Variants in GRIK1 observed in about 807,000 individuals in gnomAD.
GRIK1 encodes glutamate receptor ionotropic, kainate 1.
Under a neutral mutation model 105.7 loss-of-function variants are expected in GRIK1, and 69 were observed. The observed-to-expected ratio is 0.65, with a 90% CI of 0.54 to 0.80. The LOEUF is 0.80. Ranked by LOEUF, GRIK1 falls within the 30% of genes least tolerant of loss-of-function variation. The pLI is 0.00. For missense variants in GRIK1, 1,109 were observed against 1,167.3 expected (o/e 0.95, Z 0.73); for synonymous variants, 438 against 431.3 (o/e 1.02, Z -0.19).
chr21:29,902,274 G>T (rs930570530), intron 1 of GRIK1, among the ~76,000 whole-genome samples: 2 of 152,108 alleles, frequency 1.3e-5, no homozygotes, highest in African/African-American at 4.8e-5. Flanking sequence ...CCTATTCAGC[G>T]TAGTATTGGA....
rs544590477 is a variant in GRIK1, at chr21:29,564,902, G to A, written c.2131-3053C>T. 2.0e-3 allele frequency among the ~76,000 whole-genome samples: 309 copies of A among 152,272 alleles called. 2 individuals are homozygous for A. Among genetic ancestry groups the A allele is most frequent in the Non-Finnish European group, 3.6e-3 (243 of 68,016 alleles). On this transcript the variant is annotated intron_variant, in intron 14 of 17. Coordinates refer to ENST00000327783, the MANE Select transcript of GRIK1 (RefSeq NM_001330994.2). ...TAGTAACAAAATGTTTCCTGAGCCA[G>A]CACACTCTTCACACTACACTTTGAG...
intron 9 of GRIK1, 51 bp downstream of exon 9, chr21:29,596,475 C>A (rs1251935431): frequency 1.6e-6 from 2 of 1,234,464 alleles, no homozygotes. Flanking sequence ...TTTCCAATGA[C>A]ATTCCCCATC....
At chr21:29,785,635 A>C (rs1030878263) in intron 1 of GRIK1, among the ~76,000 whole-genome samples, 3 of 151,612 alleles carry the variant, frequency 2.0e-5, no homozygotes, top group Non-Finnish European at 2.9e-5. Context: ...TTTTGGTATC[A>C]TACACATGGC....
At chr21:29,615,959 G>A (rs774057401) in intron 7 of GRIK1, among the ~76,000 whole-genome samples, 36 of 152,156 alleles carry the variant, frequency 2.4e-4, no homozygotes, top group Non-Finnish European at 4.1e-4. Flanking sequence ...TTTGAGCAAA[G>A]CAATCACTAA....
At chr21:29,938,112 C>T (rs2071836476) in intron 1 of GRIK1, among the ~76,000 whole-genome samples, 1 of 152,058 alleles carries the variant, frequency 6.6e-6, no homozygotes, top group East Asian at 1.9e-4. Flanking sequence ...CTAGTATGTT[C>T]TGAATTTTTG....
intron 1 of GRIK1, among the ~76,000 whole-genome samples, chr21:29,913,985 C>A (rs2070908772): frequency 6.6e-6 from 1 of 151,960 alleles, no homozygotes; most frequent in South Asian, 2.1e-4. Flanking sequence ...TTTGTTCTGG[C>A]ACACTGTGTC....
chr21:29,606,292 T>C (rs1448908130), intron 7 of GRIK1, among the ~76,000 whole-genome samples: 1 of 151,310 alleles, frequency 6.6e-6, no homozygotes, highest in Non-Finnish European at 1.5e-5. Context: ...TTTATTTTAT[T>C]TTATTTTAAG....
chr21:29,738,279 A>G (rs2064846227), intron 1 of GRIK1, among the ~76,000 whole-genome samples: 1 of 152,244 alleles, frequency 6.6e-6, no homozygotes, highest in Admixed American at 6.5e-5. Flanking sequence ...ACGAACACTC[A>G]TATGTGTATA....
chr21:29,732,693 A>T (rs1230361902), intron 1 of GRIK1, among the ~76,000 whole-genome samples: 1 of 152,204 alleles, frequency 6.6e-6, no homozygotes, highest in Non-Finnish European at 1.5e-5. Flanking sequence ...GGAGAGAATA[A>T]CTTCTATCCA....
At chr21:29,859,501 C>T (rs1483726266) in intron 1 of GRIK1, among the ~76,000 whole-genome samples, 1 of 152,142 alleles carries the variant, frequency 6.6e-6, no homozygotes, top group Non-Finnish European at 1.5e-5. Flanking sequence ...TCTAGCCTCA[C>T]AGAATGATAG....
Position 29,588,937 on chromosome 21 carries a change from C to T in GRIK1, c.1471G>A (p.Gly491Ser). 1.2e-6 allele frequency: 2 copies of T among 1,603,740 alleles called. No homozygotes were observed. Among genetic ancestry groups the T allele is most frequent in the South Asian group, 2.2e-5 (2 of 90,852 alleles). The change falls in exon 11 of 18, where the codon GGT becomes AGT. Residue 491 changes from glycine (G) to serine (S), a missense_variant. Coordinates refer to ENST00000327783, the MANE Select transcript of GRIK1 (RefSeq NM_001330994.2). Reference protein sequence around the residue: ...DLLKELSNILGFIYDVKLVPD... With the variant: ...DLLKELSNILSFIYDVKLVPD... Reference sequence around the variant, plus strand: ...ACTAGTTTAACATCATAAATGAAACCCAGGATGTTTGACAATTCTTTCAAC... The same window carrying T: ...ACTAGTTTAACATCATAAATGAAACTCAGGATGTTTGACAATTCTTTCAAC...
intron 7 of GRIK1, among the ~76,000 whole-genome samples, chr21:29,624,216 T>G (rs536353682): frequency 1.3e-5 from 2 of 152,324 alleles, no homozygotes; most frequent in Non-Finnish European, 2.9e-5. Flanking sequence ...AATGTTTATT[T>G]TTCCCTTTCT....
intron 3 of GRIK1, among the ~76,000 whole-genome samples, chr21:29,675,119 A>T (rs1449675585): frequency 6.6e-6 from 1 of 152,222 alleles, no homozygotes; most frequent in East Asian, 1.9e-4. Flanking sequence ...TAAATGAGGA[A>T]TTCAGGGCCC....
At chr21:29,849,328 T>G (rs1030422147) in intron 1 of GRIK1, among the ~76,000 whole-genome samples, 4 of 152,212 alleles carry the variant, frequency 2.6e-5, no homozygotes, top group African/African-American at 9.6e-5. Context: ...AGAACAATAT[T>G]AAGTTATTGC....
At chr21:29,644,807 T>C (rs2062585142) in intron 6 of GRIK1, among the ~76,000 whole-genome samples, 1 of 152,234 alleles carries the variant, frequency 6.6e-6, no homozygotes, top group African/African-American at 2.4e-5. Flanking sequence ...CTTTTGGAAA[T>C]GCAGTCAACA....
At chr21:29,839,261 GCTTGTCTCAAA>G (rs2067905057) in intron 1 of GRIK1, among the ~76,000 whole-genome samples, 1 of 152,014 alleles carries the variant, frequency 6.6e-6, no homozygotes, top group Non-Finnish European at 1.5e-5. Flanking sequence ...TGTTGGCCAG[GCTTGTCTCAAA>G]CTCCTGACCT....
At position 29,847,752 on chromosome 21, in the gene GRIK1, C is replaced by T. The variant is rs2068167587; in HGVS notation, c.118+91631G>A. On this transcript the variant is annotated intron_variant, in intron 1 of 17. Transcript: ENST00000327783. The stretch of plus-strand genomic sequence containing the variant: ...ATTATCATTGCATTCTCTGTATCCT[C>T]AGCTGGACTTCCACTTTTCCATTGG... Among the ~76,000 whole-genome samples the T allele has an allele frequency of 2.0e-5, 3 of 152,310 alleles. No individual in the cohort carries two copies. The South Asian group carries it at 6.2e-4, about 32-fold the overall frequency.
intron 7 of GRIK1, among the ~76,000 whole-genome samples, chr21:29,617,559 C>G (rs1200554887): frequency 2.0e-5 from 3 of 152,174 alleles, no homozygotes; most frequent in Non-Finnish European, 4.4e-5. Flanking sequence ...ATACATCCCC[C>G]AGGTACCCGG....
At chr21:29,867,918 AAGAG>A (rs1238378576) in intron 1 of GRIK1, among the ~76,000 whole-genome samples, 6 of 127,912 alleles carry the variant, frequency 4.7e-5, no homozygotes, top group African/African-American at 1.1e-4. Flanking sequence ...AAGAGAGAGA[AAGAG>A]AGAAAGAGAG....
Sources: gnomAD v4.1 joint callset for allele counts (sites outside exome capture counted in the v4.1 genomes callset) on GRCh38, gnomAD v4.1.1 for gene constraint, MANE v1.5 for transcripts, NCBI Gene and HGNC (gene_info 2026-07-23, HGNC 2026-07-21) for gene names.